Variants in ACOT7 observed in about 807,000 individuals in gnomAD.
The protein encoded by ACOT7 is acyl-CoA thioesterase 7, also known as cytosolic acyl coenzyme A thioester hydrolase.
In ACOT7, 12 loss-of-function variants were observed where a neutral mutation model predicts 40.2. That is an observed-to-expected ratio of 0.30 (90% CI 0.19 to 0.48). The LOEUF (loss-of-function observed/expected upper bound fraction) is 0.48, where lower values mean the gene tolerates loss of function less well. Among genes scored for constraint, ACOT7 ranks in the 20% least tolerant of loss-of-function variants. ACOT7 has a pLI of 0.99. For missense variants in ACOT7, 395 were observed against 530.8 expected, an observed-to-expected ratio of 0.74 and a Z score of 2.51; for synonymous variants, 228 against 219.5, an observed-to-expected ratio of 1.04 and a Z score of -0.34.
chr1:6,391,813 A>G (rs1298409649), intron 1 of ACOT7, among the ~76,000 whole-genome samples: 2 of 152,222 alleles, frequency 1.3e-5, no homozygotes, highest in Non-Finnish European at 2.9e-5. Context: ...CTCCCAGGGA[A>G]TTGGGCAAAC....
intron 6 of ACOT7, among the ~76,000 whole-genome samples, chr1:6,298,600 A>G (rs1639878520): frequency 6.6e-6 from 1 of 152,220 alleles, no homozygotes; most frequent in African/African-American, 2.4e-5. Flanking sequence ...CCAGGCAAAT[A>G]AGATGCCGCT....
chr1:6,322,810 T>C (rs948825792), intron 5 of ACOT7, among the ~76,000 whole-genome samples: 7 of 152,162 alleles, frequency 4.6e-5, no homozygotes, highest in Non-Finnish European at 1.0e-4. Flanking sequence ...TTAGCAACCA[T>C]GACCCAGAGG....
At chr1:6,363,897 G>A (rs1048194023) in intron 1 of ACOT7, among the ~76,000 whole-genome samples, 1 of 152,110 alleles carries the variant, frequency 6.6e-6, no homozygotes, top group African/African-American at 2.4e-5. Flanking sequence ...AAAAGCCACC[G>A]ACCCTGTGGG....
At chr1:6,281,915 C>T (rs990573985) in intron 7 of ACOT7, among the ~76,000 whole-genome samples, 2 of 152,174 alleles carry the variant, frequency 1.3e-5, no homozygotes, top group African/African-American at 2.4e-5. Flanking sequence ...GTCTCGCCCA[C>T]GGGACCAAAG....
At chr1:6,356,431 T>C (rs1641745633) in intron 1 of ACOT7, among the ~76,000 whole-genome samples, 1 of 151,432 alleles carries the variant, frequency 6.6e-6, no homozygotes, top group South Asian at 2.1e-4. Flanking sequence ...TCAGCCCAGC[T>C]CAGCACCCTC....
intron 8 of ACOT7, among the ~76,000 whole-genome samples, chr1:6,273,973 T>C (rs985797442): frequency 3.9e-5 from 6 of 152,230 alleles, no homozygotes; most frequent in African/African-American, 1.4e-4. Flanking sequence ...TCCTACATCC[T>C]GGGACCGGAC....
Position 6,358,050 on chromosome 1 carries a change from T to A in ACOT7, c.144-8184A>T, listed in dbSNP as rs1641795960. 1.3e-5 allele frequency among the ~76,000 whole-genome samples: 2 copies of A among 152,010 alleles called. No homozygotes were observed. The highest frequency in any genetic ancestry group is 2.9e-5 in the Non-Finnish European group (2 of 67,996). On this transcript the variant is annotated intron_variant, in intron 1 of 8. Transcript: ENST00000361521. The surrounding 1 kb of genome is among the most constrained non-coding windows in gnomAD (Gnocchi z 4.1). ...CCTGGCTAATTTTTGTATTTTTTAG[T>A]AGAGACGGGGGTTTCACCATGTTGG...
At chr1:6,363,392 C>T (rs1426616325) in intron 1 of ACOT7, among the ~76,000 whole-genome samples, 4 of 152,082 alleles carry the variant, frequency 2.6e-5, no homozygotes, top group Non-Finnish European at 5.9e-5. Flanking sequence ...GAGAAGACTA[C>T]TCCTCCACCT....
In ACOT7 at chr1:6,294,829, A is replaced by G. The variant is rs1221863364; in HGVS notation, c.829+35T>C. 2 of 1,571,122 alleles carry G rather than the reference A, an allele frequency of 1.3e-6. No homozygotes were observed. Among genetic ancestry groups the G allele is most frequent in the Middle Eastern group, 3.4e-4 (2 of 5,966 alleles). ...GCAGGGACCCAAGCAGCCGAGGGCCACTGCCTCCCTCGTCTTTGCCAGAAG... is the reference window on the plus strand; with the variant it reads ...GCAGGGACCCAAGCAGCCGAGGGCCGCTGCCTCCCTCGTCTTTGCCAGAAG... On this transcript the variant is annotated intron_variant, in intron 7 of 8. Coordinates refer to ENST00000361521, the MANE Select transcript of ACOT7 (RefSeq NM_007274.4). This position sits in a 1 kb window ranked among gnomAD's most constrained non-coding sequence, Gnocchi z 4.6.
In ACOT7 at chr1:6,299,661, C is replaced by T. The variant is rs1038511385; in HGVS notation, c.713-4681G>A. Among the ~76,000 whole-genome samples the T allele has an allele frequency of 6.5e-5, 9 of 138,600 alleles. No homozygotes were observed. The highest frequency in any genetic ancestry group is 1.1e-4 in the Non-Finnish European group (7 of 65,478). 90.9% of individuals were successfully genotyped at this position (138,600 alleles called of 152,430 possible). A position where few individuals can be genotyped will look rare whatever the true frequency, so the allele number is the denominator to read the frequency against. On this transcript the variant is annotated intron_variant, in intron 6 of 8. Transcript: ENST00000361521. This position sits in a 1 kb window ranked among gnomAD's most constrained non-coding sequence, Gnocchi z 4.1. ...GCTTCAGAGAGAGAGAGAGAGAGAG[C>T]GCAAGTGTGTGTGTGTGTGTGTGTG...
intron 1 of ACOT7, among the ~76,000 whole-genome samples, chr1:6,383,189 ATT>A (rs962032729): frequency 8.1e-5 from 11 of 135,718 alleles, no homozygotes; most frequent in Admixed American, 2.2e-4. Context: ...AAGATGGCAG[ATT>A]TTTTTTTTTT....
chr1:6,286,217 G>A (rs982890953), intron 7 of ACOT7, among the ~76,000 whole-genome samples: 8 of 152,198 alleles, frequency 5.3e-5, no homozygotes, highest in African/African-American at 1.7e-4. Context: ...AGATGGGTGG[G>A]ACCAGCTTGA....
chr1:6,333,464 A>G lies in ACOT7; in HGVS notation c.510+13T>C, dbSNP rs1361316472. Reference sequence around the variant, plus strand: ...CATCTGCCCCCAAGAGAGAAGTAGAAAGGGCACCTTACCACAACAGGAGGC... The same window carrying G: ...CATCTGCCCCCAAGAGAGAAGTAGAGAGGGCACCTTACCACAACAGGAGGC... On this transcript the variant is annotated intron_variant, in intron 4 of 8. Coordinates refer to ENST00000361521, the MANE Select transcript of ACOT7 (RefSeq NM_007274.4). The G allele has an allele frequency of 1.2e-6, 2 of 1,614,030 alleles. No homozygotes were observed. The highest frequency in any genetic ancestry group is 2.2e-5 in the South Asian group (2 of 91,078).
At chr1:6,336,761 G>A (rs1056907501) in intron 3 of ACOT7, among the ~76,000 whole-genome samples, 5 of 121,972 alleles carry the variant, frequency 4.1e-5, no homozygotes, top group Non-Finnish European at 6.1e-5. Context: ...TTGCTGTTGG[G>A]GCCTTCGAGT....
intron 8 of ACOT7, among the ~76,000 whole-genome samples, chr1:6,270,243 C>T (rs1204050907): frequency 6.6e-6 from 1 of 152,256 alleles, no homozygotes; most frequent in Non-Finnish European, 1.5e-5. Flanking sequence ...AGCCATCTCC[C>T]TCCACCCAGC....
chr1:6,356,734 T>C (rs1016609769), intron 1 of ACOT7, among the ~76,000 whole-genome samples: 82 of 151,270 alleles, frequency 5.4e-4, no homozygotes, highest in African/African-American at 1.9e-3. Flanking sequence ...CTGGCCAACA[T>C]GGTGAAACCC....
chr1:6,373,570 G>A (rs1252136767), intron 1 of ACOT7, among the ~76,000 whole-genome samples: 1 of 151,810 alleles, frequency 6.6e-6, no homozygotes, highest in African/African-American at 2.4e-5. Context: ...AATTTGTAAA[G>A]AAGGCAGGAC....
chr1:6,331,862 G>A (rs1413406249), intron 4 of ACOT7, among the ~76,000 whole-genome samples: 1 of 152,220 alleles, frequency 6.6e-6, no homozygotes, highest in African/African-American at 2.4e-5. Context: ...CTGGCAGGGT[G>A]CCTGGTCAGA....
In ACOT7 at chr1:6,306,319, G is replaced by A. The variant is rs1306367727; in HGVS notation, c.713-11339C>T. 2.0e-6 allele frequency: 2 copies of A among 985,264 alleles called. No homozygotes were observed. The highest frequency in any genetic ancestry group is 3.5e-5 in the African/African-American group (2 of 57,200). The allele number at this position is 985,264 out of a possible 1,614,324, so 61.0% of individuals were successfully genotyped here. On this transcript the variant is annotated intron_variant, in intron 6 of 8. Coordinates refer to ENST00000361521, the MANE Select transcript of ACOT7 (RefSeq NM_007274.4). The surrounding 1 kb of genome is among the most constrained non-coding windows in gnomAD (Gnocchi z 4.3). Reference sequence around the variant, plus strand: ...GGTCAGTGCCCCATGATTTGAGAGGGATGACGTGCTGGCCACCAGGGACCC... The same window carrying A: ...GGTCAGTGCCCCATGATTTGAGAGGAATGACGTGCTGGCCACCAGGGACCC...
Sources: gnomAD v4.1 joint callset for allele counts (sites outside exome capture counted in the v4.1 genomes callset) on GRCh38, gnomAD v4.1.1 for gene constraint, Gnocchi (gnomAD v3.1) non-coding constraint, MANE v1.5 for transcripts, NCBI Gene and HGNC (gene_info 2026-07-23, HGNC 2026-07-21) for gene names.